The following EYS variants were observed in gnomAD, a reference collection of about 807,000 sequenced individuals.
EYS encodes the protein protein eyes shut homolog.
Under a neutral mutation model 282.1 loss-of-function variants are expected in EYS, and 250 were observed. The ratio of observed to expected loss-of-function variants is 0.89; its 90% CI spans 0.80 to 0.98. EYS has a LOEUF of 0.98. EYS is among the 50% of genes least tolerant of loss of function. The pLI, the probability that EYS is intolerant of heterozygous loss-of-function variation, is 0.00. For missense variants in EYS, 4,016 were observed against 3,709.0 expected, an observed-to-expected ratio of 1.08 and a Z score of -2.15; for synonymous variants, 1,355 against 1,282.9, an observed-to-expected ratio of 1.06 and a Z score of -1.20.
At chr6:65,097,338 A>T (rs1395811547) in intron 12 of EYS, among the ~76,000 whole-genome samples, 2 of 150,870 alleles carry the variant, frequency 1.3e-5, no homozygotes, top group Non-Finnish European at 3.0e-5. Context: ...CAAAAAACAC[A>T]AGATAACAAG....
chr6:65,193,030 GGATA>G (rs1054404799), intron 12 of EYS, among the ~76,000 whole-genome samples: 4 of 151,714 alleles, frequency 2.6e-5, no homozygotes, highest in Non-Finnish European at 5.9e-5. Flanking sequence ...GCAACAACAT[GGATA>G]GAACTGGAGG....
intron 33 of EYS, among the ~76,000 whole-genome samples, chr6:64,003,605 A>C (rs552133672): frequency 3.9e-5 from 6 of 152,238 alleles, no homozygotes; most frequent in Non-Finnish European, 8.8e-5. Context: ...AATTAAAAAA[A>C]AATTCCTCAA....
intron 12 of EYS, among the ~76,000 whole-genome samples, chr6:65,064,319 T>C (rs1773672917): frequency 1.4e-5 from 2 of 143,274 alleles, no homozygotes; most frequent in Non-Finnish European, 3.0e-5. Flanking sequence ...TTTTTGTGGA[T>C]TGTCCTAAGT....
chr6:65,243,378 C>T (rs985073141), intron 12 of EYS, among the ~76,000 whole-genome samples: 1 of 152,078 alleles, frequency 6.6e-6, no homozygotes, highest in African/African-American at 2.4e-5. Context: ...GTGGCCTGCC[C>T]CTCTCAGAAT....
At chr6:64,759,866 A>G (rs2149977571) in intron 22 of EYS, among the ~76,000 whole-genome samples, 1 of 152,334 alleles carries the variant, frequency 6.6e-6, no homozygotes. Context: ...ACTGCTTATT[A>G]CTACCATGGA....
At chr6:65,292,014 A>G (rs1017095007) in intron 12 of EYS, among the ~76,000 whole-genome samples, 1 of 151,664 alleles carries the variant, frequency 6.6e-6, no homozygotes, top group African/African-American at 2.4e-5. Context: ...GACAGAATAT[A>G]CTGGGATAAG....
At chr6:65,067,166 A>T (rs1271241268) in intron 12 of EYS, among the ~76,000 whole-genome samples, 1 of 152,162 alleles carries the variant, frequency 6.6e-6, no homozygotes, top group Non-Finnish European at 1.5e-5. Flanking sequence ...ACAAAGAGAC[A>T]TGTATGTGGA....
chr6:64,138,860 G>A (rs895840639), intron 31 of EYS, among the ~76,000 whole-genome samples: 19 of 152,128 alleles, frequency 1.2e-4, no homozygotes, highest in African/African-American at 3.9e-4. Flanking sequence ...ATTAAAATCC[G>A]AAGCATGTTG....
intron 15 of EYS, among the ~76,000 whole-genome samples, chr6:64,928,341 A>T (rs1768585060): frequency 6.6e-6 from 1 of 152,132 alleles, no homozygotes; most frequent in South Asian, 2.1e-4. Flanking sequence ...ATTCTCATGT[A>T]CATTTTTCCT....
chr6:65,098,836 G>C (rs1774810386), intron 12 of EYS, among the ~76,000 whole-genome samples: 1 of 150,444 alleles, frequency 6.6e-6, no homozygotes, highest in African/African-American at 2.4e-5. Flanking sequence ...AAGAGCTAAA[G>C]GCAAAATTCC....
intron 19 of EYS, among the ~76,000 whole-genome samples, chr6:64,873,813 A>G (rs1238931246): frequency 6.6e-6 from 1 of 152,038 alleles, no homozygotes; most frequent in East Asian, 1.9e-4. Context: ...AATATATACA[A>G]TTACTATGTG....
At chr6:65,029,768 G>T (rs1205168035) in intron 13 of EYS, among the ~76,000 whole-genome samples, 1 of 152,176 alleles carries the variant, frequency 6.6e-6, no homozygotes, top group Non-Finnish European at 1.5e-5. Flanking sequence ...GGCACACTGT[G>T]TGAGGATCTT....
At chr6:64,711,034 C>A (rs557417421) in intron 22 of EYS, among the ~76,000 whole-genome samples, 1 of 152,076 alleles carries the variant, frequency 6.6e-6, no homozygotes, top group Admixed American at 6.6e-5. Flanking sequence ...GACAGAGCTA[C>A]GGAGATTTTT....
chr6:63,935,608 A>G (rs1765035381), intron 35 of EYS, among the ~76,000 whole-genome samples: 1 of 152,216 alleles, frequency 6.6e-6, no homozygotes, highest in Non-Finnish European at 1.5e-5. Context: ...AGGAAAGGCC[A>G]CGTGAGGAAA....
chr6:64,512,628 G>A (rs1338818), intron 26 of EYS, among the ~76,000 whole-genome samples: 55,992 of 150,884 alleles, frequency 0.37, 10,330 homozygotes, highest in East Asian at 0.5. Context: ...AGGAAAGTGG[G>A]AAAAAAAGGC....
chr6:64,675,640 G>A (rs1245137828), intron 22 of EYS, among the ~76,000 whole-genome samples: 4 of 151,686 alleles, frequency 2.6e-5, no homozygotes, highest in African/African-American at 9.7e-5. Flanking sequence ...ATGTTGGCTA[G>A]GCTGATCTCG....
At chr6:64,843,430 C>T (rs1313316828) in intron 19 of EYS, among the ~76,000 whole-genome samples, 3 of 152,138 alleles carry the variant, frequency 2.0e-5, no homozygotes, top group African/African-American at 7.2e-5. Context: ...GCCACAGGGG[C>T]AGAACTGCCC....
intron 22 of EYS, among the ~76,000 whole-genome samples, chr6:64,739,697 T>C (rs1772302479): frequency 6.6e-6 from 1 of 152,126 alleles, no homozygotes; most frequent in African/African-American, 2.4e-5. Context: ...TCCTGAATAA[T>C]ATTAAAAAAT....
At chr6:65,048,794 CT>C (rs1466214093) in intron 13 of EYS, among the ~76,000 whole-genome samples, 4 of 151,748 alleles carry the variant, frequency 2.6e-5, no homozygotes, top group Admixed American at 2.0e-4. Flanking sequence ...ACATCATTTT[CT>C]TTTTTTCTTA....
Sources: allele counts gnomAD v4.1 joint callset (sites outside exome capture counted in the v4.1 genomes callset), GRCh38; gene constraint gnomAD v4.1.1; transcripts MANE v1.5; gene names NCBI Gene and HGNC (gene_info 2026-07-23, HGNC 2026-07-21).